ZBTB4: variants seen among roughly 807,000 people sequenced by gnomAD.
ZBTB4 encodes zinc finger and BTB domain-containing protein 4.
A neutral mutation model predicts 59.8 loss-of-function variants in ZBTB4; 14 were observed. The observed-to-expected ratio is 0.23, with a 90% CI of 0.15 to 0.37. ZBTB4 has a LOEUF of 0.37. Among genes scored for constraint, ZBTB4 ranks in the 10% least tolerant of loss-of-function variants. The pLI is 1.00. For synonymous variants in ZBTB4, 587 were observed against 575.2 expected, an observed-to-expected ratio of 1.02 and a Z score of -0.29; for missense variants, 1,198 against 1,380.8, an observed-to-expected ratio of 0.87 and a Z score of 2.10.
chr17:7,465,670 G>A, intron 3 of ZBTB4, 41 bp downstream of exon 3: 3 of 1,558,328 alleles, frequency 1.9e-6, no homozygotes, highest in East Asian at 2.3e-5. Context: ...ACCGCTGAGT[G>A]CCAGCCTCCA....
intron 1 of ZBTB4, among the ~76,000 whole-genome samples, chr17:7,468,366 T>C (rs1196877039): frequency 5.4e-5 from 8 of 148,522 alleles, no homozygotes; most frequent in Admixed American, 2.0e-4. Flanking sequence ...AGAGCAAAAC[T>C]CCGTCTCAAA....
rs963056565 is a variant in ZBTB4, at chr17:7,460,026, G to C, written c.*1914C>G. On this transcript the variant is annotated 3_prime_UTR_variant, in exon 4 of 4. Coordinates refer to ENST00000380599, the MANE Select transcript of ZBTB4 (RefSeq NM_001128833.2). ...TAGATAGATATATAATTTGTGTGTA[G>C]ATATATATATATGTATTCTTTATTA... 1 of 152,102 alleles carries C rather than the reference G, an allele frequency of 6.6e-6. No individual in the cohort carries two copies. The highest frequency in any genetic ancestry group is 1.5e-5 in the Non-Finnish European group (1 of 67,920). The allele number at this position is 152,102 out of a possible 1,614,324, so 9.4% of individuals were successfully genotyped here. A position where few individuals can be genotyped will look rare whatever the true frequency, so the allele number is the denominator to read the frequency against.
chr17:7,463,987 G>C (rs1023593476), intron 3 of ZBTB4, 97 bp from the exon 4 acceptor site: 1 of 1,507,972 alleles, frequency 6.6e-7, no homozygotes, highest in African/African-American at 1.4e-5. Context: ...ACTCAAACCT[G>C]TGACTCCCGT....
chr17:7,479,218 C>A (rs1362867905), intron 1 of ZBTB4, among the ~76,000 whole-genome samples: 1 of 152,160 alleles, frequency 6.6e-6, no homozygotes, highest in Non-Finnish European at 1.5e-5. Flanking sequence ...TCGCGTCCCA[C>A]GGCCGCCCCT....
upstream of ZBTB4, chr17:7,482,051 C>T: frequency 6.2e-7 from 1 of 1,613,670 alleles, no homozygotes. Context: ...CTCCGCTCCA[C>T]CCAGCCTCCG....
At chr17:7,470,014 G>A (rs1263592941) in intron 1 of ZBTB4, among the ~76,000 whole-genome samples, 1 of 150,962 alleles carries the variant, frequency 6.6e-6, no homozygotes, top group African/African-American at 2.4e-5. Context: ...TCCGGGAGGC[G>A]GAGGTTGCAG....
rs35184774 is a variant in ZBTB4 at position 7,469,605 on chromosome 17, TA to T, written c.-80-2279del. 1.6e-3 allele frequency among the ~76,000 whole-genome samples: 243 copies of T among 147,292 alleles called. 2 individuals are homozygous for T. The highest frequency in any genetic ancestry group is 5.2e-3 in the South Asian group (24 of 4,610). ...TGGCGATCTCTACTAAAAATAATAATAAAAAAAAAATTAGCCAGGCATGGTG... is the reference window on the plus strand; with the variant it reads ...TGGCGATCTCTACTAAAAATAATAATAAAAAAAAATTAGCCAGGCATGGTG... On this transcript the variant is annotated intron_variant, in intron 1 of 3. Coordinates refer to ENST00000380599, the MANE Select transcript of ZBTB4 (RefSeq NM_001128833.2).
chr17:7,482,615 C>G (rs760043954), upstream of ZBTB4: 4 of 1,611,990 alleles, frequency 2.5e-6, no homozygotes, highest in Non-Finnish European at 3.4e-6. Flanking sequence ...TCTGGTCTAT[C>G]GTTCTCTGCA....
Position 7,463,614 on chromosome 17 carries a change from C to A in ZBTB4, c.1368G>T (p.Pro456=). The A allele has an allele frequency of 1.2e-6, 2 of 1,604,310 alleles. No individual in the cohort carries two copies. Among genetic ancestry groups the A allele is most frequent in the Non-Finnish European group, 8.5e-7 (1 of 1,175,400 alleles). The change falls in exon 4 of 4, where the codon CCG becomes CCT. Residue 456 remains proline (P), a synonymous_variant. Transcript: ENST00000380599. The stretch of plus-strand genomic sequence containing the variant: ...GCTCTGGGGCAGGTGGAGGCCCAGG[C>A]GGCGGGCTGGCTGGCATTGCCACAG... ...PAPVAMPASP[P]PGPPPAPEPG...
upstream of ZBTB4, chr17:7,482,161 T>C: frequency 6.2e-7 from 1 of 1,614,144 alleles, no homozygotes. Flanking sequence ...CCCTTTCTCA[T>C]ATGGCTTACC....
chr17:7,476,357 C>T (rs977400419), intron 1 of ZBTB4, among the ~76,000 whole-genome samples: 2 of 152,172 alleles, frequency 1.3e-5, no homozygotes, highest in African/African-American at 4.8e-5. Context: ...ACACACAGTA[C>T]TCAGCGTGAG....
chr17:7,471,243 G>C (rs2070193965), intron 1 of ZBTB4, among the ~76,000 whole-genome samples: 2 of 152,046 alleles, frequency 1.3e-5, no homozygotes, highest in African/African-American at 4.8e-5. Context: ...GAGTGCAGTG[G>C]TGTGAACATT....
upstream of ZBTB4, among the ~76,000 whole-genome samples, chr17:7,483,733 T>C (rs1397457816): frequency 6.6e-6 from 1 of 152,198 alleles, no homozygotes; most frequent in Non-Finnish European, 1.5e-5. Context: ...TCCCGGACAG[T>C]GGCCACCCTC....
intron 1 of ZBTB4, among the ~76,000 whole-genome samples, chr17:7,469,490 C>T (rs572061534): frequency 2.0e-5 from 3 of 149,762 alleles, no homozygotes; most frequent in East Asian, 4.3e-4. Flanking sequence ...AGGCCGGGCA[C>T]GGTGGCTCAT....
intron 1 of ZBTB4, among the ~76,000 whole-genome samples, chr17:7,472,342 C>T (rs1857188283): frequency 6.6e-6 from 1 of 152,138 alleles, no homozygotes; most frequent in Admixed American, 6.6e-5. Context: ...AGGCGCCTGC[C>T]ACCACGTCCG....
rs771824658 is a variant in ZBTB4 at position 7,461,988 on chromosome 17, T to G, written c.2994A>C (p.Glu998Asp). 5.0e-6 allele frequency: 8 copies of G among 1,593,950 alleles called. No homozygotes were observed. The highest frequency in any genetic ancestry group is 6.8e-6 in the Non-Finnish European group (8 of 1,168,744). Residue 998 changes from glutamate to aspartate, a missense_variant, in exon 4 of 4, where the codon GAA (glutamate) becomes GAC (aspartate). Glu to Asp is a conservative substitution (Grantham distance 45, BLOSUM62 2). Coordinates refer to ENST00000380599, the MANE Select transcript of ZBTB4 (RefSeq NM_001128833.2). Reference sequence around the variant, plus strand: ...TTCTCTCAACCCCTGCCCTTTCCCCTTCTCCCTTAGGGGGAATTGGTGGAG... The same window carrying G: ...TTCTCTCAACCCCTGCCCTTTCCCCGTCTCCCTTAGGGGGAATTGGTGGAG... ...TLPPPIPPKGEGERAGVERTQ... is the reference protein window; with the variant it reads ...TLPPPIPPKGDGERAGVERTQ...
At chr17:7,474,774 G>A (rs2070246612) in intron 1 of ZBTB4, among the ~76,000 whole-genome samples, 1 of 152,006 alleles carries the variant, frequency 6.6e-6, no homozygotes, top group African/African-American at 2.4e-5. Flanking sequence ...CACTTTGGGA[G>A]GCTGAGGCGG....
At chr17:7,478,509 A>C (rs754799530) in intron 1 of ZBTB4, among the ~76,000 whole-genome samples, 1 of 152,060 alleles carries the variant, frequency 6.6e-6, no homozygotes, top group African/African-American at 2.4e-5. Context: ...CCCAGACGTG[A>C]CGCCTTCTGA....
In ZBTB4 at chr17:7,463,026, C is replaced by A; in HGVS notation, c.1956G>T (p.Glu652Asp). 1 of 1,607,162 alleles carries A rather than the reference C, an allele frequency of 6.2e-7. No individual in the cohort carries two copies. ...CCTCCCCACCAGCCTTTGATTCCTCCTCATCCTCCTCCTCCTCCTCTTCGT... is the reference window on the plus strand; with the variant it reads ...CCTCCCCACCAGCCTTTGATTCCTCATCATCCTCCTCCTCCTCCTCTTCGT... ...EEDEEEEEEDEEESKAGGEDQ... is the reference protein window; with the variant it reads ...EEDEEEEEEDDEESKAGGEDQ... The change falls in exon 4 of 4, where the codon GAG becomes GAT. Residue 652 changes from glutamate to aspartate, a missense_variant. Coordinates refer to ENST00000380599, the MANE Select transcript of ZBTB4 (RefSeq NM_001128833.2).
Sources: allele counts gnomAD v4.1 joint callset (sites outside exome capture counted in the v4.1 genomes callset), GRCh38; gene constraint gnomAD v4.1.1; transcripts MANE v1.5; gene names NCBI Gene and HGNC (gene_info 2026-07-23, HGNC 2026-07-21).